Variants in NDC1 observed in about 807,000 individuals in gnomAD.
NDC1 encodes nucleoporin NDC1.
Under a neutral mutation model 89.8 loss-of-function variants are expected in NDC1, and 24 were observed. The ratio of observed to expected loss-of-function variants is 0.27; its 90% CI spans 0.19 to 0.38. The LOEUF is 0.38. Among genes scored for constraint, NDC1 ranks in the 10% least tolerant of loss-of-function variants. NDC1 has a pLI of 1.00. For synonymous variants in NDC1, 296 were observed against 284.8 expected, an observed-to-expected ratio of 1.04 and a Z score of -0.39; for missense variants, 728 against 797.6, an observed-to-expected ratio of 0.91 and a Z score of 1.05.
At chr1:53,829,479 TC>T (rs554084594) in intron 3 of NDC1, among the ~76,000 whole-genome samples, 13 of 152,190 alleles carry the variant, frequency 8.5e-5, no homozygotes, top group Non-Finnish European at 1.5e-4. Flanking sequence ...CTCCTCAAGT[TC>T]CCCCATGCTG....
At chr1:53,785,053 C>T (rs1647271812) in intron 16 of NDC1, among the ~76,000 whole-genome samples, 1 of 151,960 alleles carries the variant, frequency 6.6e-6, no homozygotes, top group East Asian at 1.9e-4. Context: ...GGTTCTAGTT[C>T]CAGCTCTGCC....
In NDC1 at chr1:53,796,962, A is replaced by G; in HGVS notation, c.1405T>C (p.Tyr469His). The G allele has an allele frequency of 1.2e-6, 2 of 1,614,194 alleles. No homozygotes were observed. Among genetic ancestry groups the G allele is most frequent in the Non-Finnish European group, 1.7e-6 (2 of 1,180,024 alleles). Residue 469 changes from tyrosine (Y) to histidine (H), a missense_variant, in exon 12 of 18, where the codon TAT becomes CAT. Transcript: ENST00000371429. ...MAGIFDVNTC[Y>H]GSPQSPQLIR... The stretch of plus-strand genomic sequence containing the variant: ...AGCTGAGGACTTTGCGGTGACCCAT[A>G]GCAGGTGTTTACATCAAAAATTCCA...
At chr1:53,771,403 TATG>T (rs1647112285) in intron 17 of NDC1, among the ~76,000 whole-genome samples, 2 of 152,280 alleles carry the variant, frequency 1.3e-5, no homozygotes, top group African/African-American at 2.4e-5. Context: ...TCTGTACAAT[TATG>T]ATAATTTCTA....
chr1:53,767,896 C>T lies in NDC1; in HGVS notation c.*74G>A. ...CTAATTAGTCCGTTTTCTTCTGATC[C>T]AAGAATGCTGAACATTTACTGTCCC... On this transcript the variant is annotated 3_prime_UTR_variant, in exon 18 of 18. Transcript: ENST00000371429. 1.1e-6 allele frequency: 1 copy of T among 941,532 alleles called. No homozygotes were observed. Among genetic ancestry groups the T allele is most frequent in the Non-Finnish European group, 1.6e-6 (1 of 623,800 alleles). The allele number at this position is 941,532 out of a possible 1,614,324, so 58.3% of individuals were successfully genotyped here.
intron 6 of NDC1, among the ~76,000 whole-genome samples, chr1:53,811,140 G>A (rs1394754725): frequency 6.6e-6 from 1 of 152,180 alleles, no homozygotes; most frequent in Non-Finnish European, 1.5e-5. Context: ...GCACTCCCTA[G>A]CAGGCCATTC....
intron 16 of NDC1, among the ~76,000 whole-genome samples, chr1:53,786,455 G>A (rs1256925122): frequency 6.6e-6 from 1 of 152,174 alleles, no homozygotes; most frequent in Non-Finnish European, 1.5e-5. Context: ...GGCATCTACT[G>A]GCCTCAGTTC....
intron 3 of NDC1, among the ~76,000 whole-genome samples, chr1:53,829,938 T>C (rs1413770275): frequency 6.6e-6 from 1 of 151,524 alleles, no homozygotes; most frequent in Non-Finnish European, 1.5e-5. Flanking sequence ...AGATCATGAG[T>C]TCAGGAGTTT....
intron 6 of NDC1, among the ~76,000 whole-genome samples, chr1:53,815,588 G>C (rs928371155): frequency 2.0e-5 from 3 of 152,174 alleles, no homozygotes; most frequent in African/African-American, 7.2e-5. Context: ...CATAGTACTG[G>C]AAGTCCTAGC....
In NDC1 at chr1:53,798,613, G is replaced by A. The variant is rs908306150; in HGVS notation, c.1223-1469C>T. ...TCTGTCACCCAGACTGGAGTGCAGT[G>A]GCATGATCTCAGCTCACTGCAACCT... On this transcript the variant is annotated intron_variant, in intron 11 of 17. Coordinates refer to ENST00000371429, the MANE Select transcript of NDC1 (RefSeq NM_018087.5). 6.0e-5 allele frequency among the ~76,000 whole-genome samples: 9 copies of A among 149,476 alleles called. 1 individual carries two copies. The highest frequency in any genetic ancestry group is 2.0e-4 in the African/African-American group (8 of 40,500).
intron 5 of NDC1, among the ~76,000 whole-genome samples, chr1:53,821,464 A>T (rs1648668400): frequency 6.6e-6 from 1 of 152,128 alleles, no homozygotes; most frequent in South Asian, 2.1e-4. Context: ...ACAAACAAAA[A>T]GTAGCCCATA....
At chr1:53,820,416 T>C (rs529807885) in intron 5 of NDC1, among the ~76,000 whole-genome samples, 6 of 152,152 alleles carry the variant, frequency 3.9e-5, no homozygotes, top group African/African-American at 1.4e-4. Context: ...GGGATAGCAT[T>C]AGGAGATATA....
At chr1:53,777,846 C>T (rs1008252501) in intron 16 of NDC1, among the ~76,000 whole-genome samples, 9 of 152,044 alleles carry the variant, frequency 5.9e-5, no homozygotes, top group African/African-American at 1.7e-4. Flanking sequence ...CCCAAGTAGA[C>T]GGGACTATAG....
intron 6 of NDC1, among the ~76,000 whole-genome samples, chr1:53,818,638 AC>A (rs1648557606): frequency 6.6e-6 from 1 of 152,150 alleles, no homozygotes; most frequent in East Asian, 1.9e-4. Flanking sequence ...TATTTTAGAT[AC>A]CTCATATAAG....
intron 2 of NDC1, among the ~76,000 whole-genome samples, chr1:53,832,843 T>G (rs901260406): frequency 1.3e-5 from 2 of 151,986 alleles, no homozygotes. Context: ...CAAAACCCTA[T>G]CTCTACAAAA....
chr1:53,807,189 G>A (rs1648137076), intron 8 of NDC1, among the ~76,000 whole-genome samples: 1 of 134,486 alleles, frequency 7.4e-6, no homozygotes, highest in East Asian at 2.3e-4. Context: ...AGACGTTGCA[G>A]TGAGCCAAGA....
intron 16 of NDC1, among the ~76,000 whole-genome samples, chr1:53,781,048 G>T (rs1417400638): frequency 6.6e-6 from 1 of 151,800 alleles, no homozygotes; most frequent in Admixed American, 6.6e-5. Context: ...TATAGACACT[G>T]TCTCACTATG....
At chr1:53,805,752 T>C (rs1648078921) in intron 9 of NDC1, among the ~76,000 whole-genome samples, 1 of 152,090 alleles carries the variant, frequency 6.6e-6, no homozygotes, top group South Asian at 2.1e-4. Flanking sequence ...ACTACAAGAG[T>C]AAAAATGTTT....
chr1:53,813,012 T>C (rs1268178408), intron 6 of NDC1, among the ~76,000 whole-genome samples: 1 of 152,294 alleles, frequency 6.6e-6, no homozygotes, highest in Admixed American at 6.5e-5. Flanking sequence ...AAACTAAGCA[T>C]CATATATGAA....
intron 6 of NDC1, among the ~76,000 whole-genome samples, chr1:53,817,885 A>C (rs1431734878): frequency 2.6e-5 from 4 of 152,198 alleles, no homozygotes; most frequent in Non-Finnish European, 4.4e-5. Flanking sequence ...TGTTGCTAAC[A>C]AGATTAATGT....
Sources: allele counts gnomAD v4.1 joint callset (sites outside exome capture counted in the v4.1 genomes callset), GRCh38; gene constraint gnomAD v4.1.1; transcripts MANE v1.5; gene names NCBI Gene and HGNC (gene_info 2026-07-23, HGNC 2026-07-21).